Variants in PALD1 observed in about 807,000 individuals in gnomAD.
PALD1 encodes the protein phosphatase domain containing paladin 1.
In PALD1, 57 loss-of-function variants were observed where a neutral mutation model predicts 96.0. The ratio of observed to expected loss-of-function variants is 0.59; its 90% CI spans 0.48 to 0.74. PALD1 has a LOEUF of 0.74. Among genes scored for constraint, PALD1 ranks in the 30% least tolerant of loss-of-function variants. The pLI, the probability that PALD1 is intolerant of heterozygous loss-of-function variation, is 0.00. For missense variants in PALD1, 1,063 were observed against 1,143.7 expected (o/e 0.93, Z 1.02); for synonymous variants, 464 against 473.6 (o/e 0.98, Z 0.26).
chr10:70,534,271 C>G (rs1171048822), intron 8 of PALD1, among the ~76,000 whole-genome samples, 154 bp from the exon 9 acceptor site: 1 of 152,230 alleles, frequency 6.6e-6, no homozygotes. Context: ...CTCAGTTTCC[C>G]TAGTTGGGGA....
At chr10:70,481,343 G>A (rs34733060) in intron 1 of PALD1, among the ~76,000 whole-genome samples, 50,180 of 152,128 alleles carry the variant, frequency 0.33, 11,013 homozygotes, top group Non-Finnish European at 0.49. Context: ...CACAGTGCCC[G>A]GAAGTTGTCC....
Position 70,533,943 on chromosome 10 carries a change from C to A in PALD1, c.892C>A (p.Leu298Ile). The change falls in exon 8 of 20, where the codon CTC becomes ATC. Residue 298 changes from leucine (L) to isoleucine (I), a missense_variant. Coordinates refer to ENST00000263563, the MANE Select transcript of PALD1 (RefSeq NM_014431.3). ...CCAGGAGACCCCCAGCCTGCTGCAG[C>A]TCCGTGATGCCCACGGGCCTCCCCC... ...VLRETPSLLQ[L>I]RDAHGPPPAL... The A allele has an allele frequency of 6.2e-7, 1 of 1,606,590 alleles. No homozygotes were observed. Among genetic ancestry groups the A allele is most frequent in the Non-Finnish European group, 8.5e-7 (1 of 1,175,834 alleles).
intron 18 of PALD1, among the ~76,000 whole-genome samples, chr10:70,554,917 C>CTTTCTT (rs1847563653): frequency 6.1e-5 from 1 of 16,502 alleles, no homozygotes; most frequent in East Asian, 1.2e-3. Context: ...CTCCCCTCTC[C>CTTTCTT]TCCCCTCCCC....
At chr10:70,474,091 T>C (rs997888136), upstream of PALD1, among the ~76,000 whole-genome samples, 1 of 152,180 alleles carries the variant, frequency 6.6e-6, no homozygotes, top group Non-Finnish European at 1.5e-5. Context: ...TCCTGCCACA[T>C]GTCCTGGGTG....
intron 18 of PALD1, among the ~76,000 whole-genome samples, chr10:70,548,858 G>A (rs976133806): frequency 1.3e-5 from 2 of 152,238 alleles, no homozygotes; most frequent in South Asian, 2.1e-4. Flanking sequence ...AAGGCATCTG[G>A]GGTCAATCTG....
At chr10:70,523,203 A>C (rs374194563) in intron 1 of PALD1, among the ~76,000 whole-genome samples, 9 of 152,286 alleles carry the variant, frequency 5.9e-5, no homozygotes, top group African/African-American at 2.2e-4. Context: ...TCTGGAGCCC[A>C]TGAGAGGTGA....
At chr10:70,498,453 A>G (rs1232429554) in intron 1 of PALD1, among the ~76,000 whole-genome samples, 1 of 151,924 alleles carries the variant, frequency 6.6e-6, no homozygotes, top group African/African-American at 2.4e-5. Flanking sequence ...TAATCTTTAA[A>G]ATTATTTTTT....
chr10:70,464,939 T>TTGTATGTATGTATGTA, the PALD1 span, among the ~76,000 whole-genome samples: 2 of 142,136 alleles, frequency 1.4e-5, no homozygotes, highest in African/African-American at 2.7e-5. Flanking sequence ...CTATGTACAC[T>TTGTATGTATGTATGTA]TGTATGTATG....
chr10:70,535,454 C>T (rs940807760), intron 10 of PALD1, among the ~76,000 whole-genome samples: 1 of 114,556 alleles, frequency 8.7e-6, no homozygotes, highest in African/African-American at 3.6e-5. Flanking sequence ...CTCCTTCCCC[C>T]TCTTCCTCTT....
At chr10:70,499,565 A>G (rs1161541549) in intron 1 of PALD1, among the ~76,000 whole-genome samples, 2 of 152,228 alleles carry the variant, frequency 1.3e-5, no homozygotes, top group Admixed American at 6.5e-5. Context: ...TTCAGGATGG[A>G]AGGGACAGAT....
chr10:70,538,496 G>C, intron 12 of PALD1, 88 bp downstream of exon 12: 1 of 1,365,904 alleles, frequency 7.3e-7, no homozygotes, highest in Non-Finnish European at 1.0e-6. Flanking sequence ...GTTGGGGTAA[G>C]CATTGCCCTT....
intron 1 of PALD1, among the ~76,000 whole-genome samples, chr10:70,503,999 T>G (rs1389522157): frequency 6.6e-6 from 1 of 152,264 alleles, no homozygotes; most frequent in African/African-American, 2.4e-5. Context: ...CTTTGAGCCC[T>G]GCTCAGCCAC....
chr10:70,534,285 G>A, intron 8 of PALD1, 140 bp from the exon 9 acceptor site: 1 of 752,140 alleles, frequency 1.3e-6, no homozygotes, highest in South Asian at 1.9e-5. Context: ...TTGGGGAAAT[G>A]TCCCCTGCTT....
intron 10 of PALD1, among the ~76,000 whole-genome samples, chr10:70,537,166 G>A (rs1192113812): frequency 2.6e-5 from 4 of 151,410 alleles, no homozygotes; most frequent in South Asian, 2.1e-4. Flanking sequence ...GGAGTGCAAC[G>A]GTGAGATCAT....
chr10:70,528,144 T>TA (rs1554858235), intron 2 of PALD1, among the ~76,000 whole-genome samples: 1 of 151,994 alleles, frequency 6.6e-6, no homozygotes, highest in Non-Finnish European at 1.5e-5. Flanking sequence ...TATTCCATGG[T>TA]GTATATGAAG....
intron 3 of PALD1, among the ~76,000 whole-genome samples, 197 bp downstream of exon 3, chr10:70,529,528 A>T (rs1407571727): frequency 6.6e-6 from 1 of 151,752 alleles, no homozygotes; most frequent in African/African-American, 2.4e-5. Context: ...CTGCCTTCCT[A>T]CAAAAGCCCC....
intron 1 of PALD1, among the ~76,000 whole-genome samples, chr10:70,484,168 A>G (rs903239504): frequency 1.3e-5 from 2 of 152,042 alleles, no homozygotes; most frequent in African/African-American, 2.4e-5. Context: ...ACGCCCAGCT[A>G]ATTTTTGTAT....
the PALD1 span, among the ~76,000 whole-genome samples, chr10:70,471,602 T>C: frequency 6.6e-6 from 1 of 152,234 alleles, no homozygotes; most frequent in Non-Finnish European, 1.5e-5. Flanking sequence ...GCCAATCACC[T>C]CTCTACTGAC....
intron 19 of PALD1, among the ~76,000 whole-genome samples, chr10:70,565,933 CCGGT>C (rs1468374310): frequency 6.6e-6 from 1 of 152,228 alleles, no homozygotes; most frequent in Non-Finnish European, 1.5e-5. Flanking sequence ...AGGAGGGCTG[CCGGT>C]CCAGGCAGAA....
Sources: allele counts gnomAD v4.1 joint callset (sites outside exome capture counted in the v4.1 genomes callset), GRCh38; gene constraint gnomAD v4.1.1; transcripts MANE v1.5; gene names NCBI Gene and HGNC (gene_info 2026-07-23, HGNC 2026-07-21).